Variants in GRIP1 observed in about 807,000 individuals in gnomAD.
GRIP1 encodes glutamate receptor interacting protein 1.
GRIP1 carries 45 observed loss-of-function variants against 129.9 expected under a neutral mutation model. The observed-to-expected ratio is 0.35, with a 90% CI of 0.27 to 0.44. The LOEUF is 0.44. Among genes scored for constraint, GRIP1 ranks in the 20% least tolerant of loss-of-function variants. GRIP1 has a pLI of 1.00. For synonymous variants in GRIP1, 530 were observed against 520.8 expected (o/e 1.02, Z -0.24); for missense variants, 1,196 against 1,396.8 (o/e 0.86, Z 2.29).
chr12:66,394,438 A>C, intron 16 of GRIP1, 86 bp from the exon 17 acceptor site: 1 of 1,110,252 alleles, frequency 9.0e-7, no homozygotes, highest in East Asian at 2.4e-5. Flanking sequence ...AAAAGAATTC[A>C]AAACATCCTC....
At chr12:66,915,314 G>A (rs1428641929) in intron 1 of GRIP1, among the ~76,000 whole-genome samples, 1 of 152,138 alleles carries the variant, frequency 6.6e-6, no homozygotes, top group Non-Finnish European at 1.5e-5. Context: ...CTATTAACTG[G>A]AGTAACACCA....
At chr12:66,976,492 T>C (rs2137598588) in intron 1 of GRIP1, among the ~76,000 whole-genome samples, 1 of 152,346 alleles carries the variant, frequency 6.6e-6, no homozygotes, top group Non-Finnish European at 1.5e-5. Context: ...TATATTTTCA[T>C]TTGAACATTT....
chr12:66,498,802 T>C (rs184219991), intron 7 of GRIP1, among the ~76,000 whole-genome samples: 37 of 152,290 alleles, frequency 2.4e-4, no homozygotes, highest in African/African-American at 8.7e-4. Context: ...AACTCTAACA[T>C]TTTTTATTTA....
In GRIP1 at chr12:67,004,123, T is replaced by C. The variant is rs558042412; in HGVS notation, c.58+64927A>G. On this transcript the variant is annotated intron_variant, in intron 1 of 1. Coordinates refer to the GRIP1 transcript ENST00000643019. ...CAGGGTAATCTCATCTCAAGATCCT[T>C]AACTACTAATCTGCAAAGACTCTTT... 3.3e-5 allele frequency among the ~76,000 whole-genome samples: 5 copies of C among 152,326 alleles called. No homozygotes were observed. The East Asian group carries it at 9.6e-4, about 29-fold the overall frequency.
At chr12:66,359,131 ACTCT>A (rs2054627272) in intron 23 of GRIP1, among the ~76,000 whole-genome samples, 1 of 151,902 alleles carries the variant, frequency 6.6e-6, no homozygotes, top group Admixed American at 6.6e-5. Flanking sequence ...AGTCCTGCAG[ACTCT>A]GTGCCTACGG....
chr12:66,836,626 A>G (rs2039619333), intron 1 of GRIP1, among the ~76,000 whole-genome samples: 1 of 152,212 alleles, frequency 6.6e-6, no homozygotes, highest in African/African-American at 2.4e-5. Flanking sequence ...CTTGTACACA[A>G]TAAAATAATG....
intron 1 of GRIP1, among the ~76,000 whole-genome samples, chr12:66,849,174 A>T (rs373663011): frequency 6.6e-6 from 1 of 152,134 alleles, no homozygotes. Flanking sequence ...GACAGCTACA[A>T]TTCATACCTC....
chr12:66,704,381 A>G (rs1592759429), intron 1 of GRIP1, among the ~76,000 whole-genome samples: 2 of 152,040 alleles, frequency 1.3e-5, no homozygotes, highest in East Asian at 3.9e-4. Context: ...TTATATAAAT[A>G]AGAAAAATGT....
chr12:66,747,692 T>C (rs1029461306), intron 1 of GRIP1, among the ~76,000 whole-genome samples: 4 of 152,206 alleles, frequency 2.6e-5, no homozygotes, highest in African/African-American at 9.6e-5. Context: ...GTATTTGACC[T>C]TTCTGAAACT....
chr12:66,516,213 C>A (rs965731816), intron 6 of GRIP1, among the ~76,000 whole-genome samples: 2 of 152,140 alleles, frequency 1.3e-5, no homozygotes, highest in Non-Finnish European at 2.9e-5. Context: ...TAAGAAATCT[C>A]CCTTGTCTAT....
chr12:66,414,750 A>G (rs958874068), intron 15 of GRIP1, among the ~76,000 whole-genome samples: 1 of 151,986 alleles, frequency 6.6e-6, no homozygotes, highest in Non-Finnish European at 1.5e-5. Context: ...AAGCAGACAT[A>G]TAGACCAAAG....
intron 9 of GRIP1, 133 bp from the exon 10 acceptor site, chr12:66,456,475 A>C (rs2058967976): frequency 2.4e-6 from 1 of 420,338 alleles, no homozygotes; most frequent in Admixed American, 3.7e-5. Flanking sequence ...AATAAAAACA[A>C]ATCTACTTGG....
chr12:66,350,491 ACT>A (rs1410675222), intron 24 of GRIP1, among the ~76,000 whole-genome samples: 1 of 152,050 alleles, frequency 6.6e-6, no homozygotes, highest in Non-Finnish European at 1.5e-5. Flanking sequence ...CAAGAGAGAA[ACT>A]CTGTCTGAAA....
chr12:66,510,069 G>A (rs910872226), intron 7 of GRIP1, among the ~76,000 whole-genome samples: 1 of 152,148 alleles, frequency 6.6e-6, no homozygotes, highest in Non-Finnish European at 1.5e-5. Flanking sequence ...TATTGAAGTG[G>A]AAGTTTTTCC....
chr12:67,044,863 T>C (rs1353413173), intron 1 of GRIP1, among the ~76,000 whole-genome samples: 1 of 152,230 alleles, frequency 6.6e-6, no homozygotes, highest in Non-Finnish European at 1.5e-5. Context: ...GCCAGCACTA[T>C]AGTAATTCTT....
intron 1 of GRIP1, among the ~76,000 whole-genome samples, chr12:66,607,550 G>T (rs1325916138): frequency 6.6e-6 from 1 of 152,128 alleles, no homozygotes; most frequent in African/African-American, 2.4e-5. Context: ...GCCAGAGTGG[G>T]GAATAAATCT....
At chr12:66,877,340 T>C (rs1178989238) in intron 1 of GRIP1, among the ~76,000 whole-genome samples, 4 of 152,088 alleles carry the variant, frequency 2.6e-5, no homozygotes, top group Non-Finnish European at 5.9e-5. Context: ...CTATTGATTT[T>C]TGAAAATCCA....
At chr12:66,804,417 T>A, upstream of GRIP1, among the ~76,000 whole-genome samples, 1 of 151,596 alleles carries the variant, frequency 6.6e-6, no homozygotes, top group African/African-American at 2.4e-5. Context: ...ATCAATAAAC[T>A]GTCAAATCTG....
At chr12:66,381,875 T>C (rs1173561748) in intron 19 of GRIP1, among the ~76,000 whole-genome samples, 1 of 152,140 alleles carries the variant, frequency 6.6e-6, no homozygotes, top group Non-Finnish European at 1.5e-5. Context: ...CTGGGTGAAA[T>C]GTAAAGTCAG....
Sources: gnomAD v4.1 joint callset for allele counts (sites outside exome capture counted in the v4.1 genomes callset) on GRCh38, gnomAD v4.1.1 for gene constraint, MANE v1.5 for transcripts, NCBI Gene and HGNC (gene_info 2026-07-23, HGNC 2026-07-21) for gene names.